Variants in RAB3IP observed in about 807,000 individuals in gnomAD.
RAB3IP encodes rab-3A-interacting protein.
Under a neutral mutation model 59.1 loss-of-function variants are expected in RAB3IP, and 36 were observed. That is an observed-to-expected ratio of 0.61 (90% CI 0.47 to 0.80). RAB3IP has a LOEUF of 0.80. Among genes scored for constraint, RAB3IP ranks in the 30% least tolerant of loss-of-function variants. The pLI is 0.00. For missense variants in RAB3IP, 511 were observed against 536.0 expected (o/e 0.95, Z 0.46); for synonymous variants, 207 against 191.2 (o/e 1.08, Z -0.68).
rs1421723149 is a variant in RAB3IP, at chr12:69,818,989, C to T, written c.*3543C>T. 1 of 152,060 alleles carries T rather than the reference C, an allele frequency of 6.6e-6. No individual in the cohort carries two copies. Among genetic ancestry groups the T allele is most frequent in the East Asian group, 1.9e-4 (1 of 5,194 alleles). 9.4% of individuals were successfully genotyped at this position (152,060 alleles called of 1,614,324 possible). A position where few individuals can be genotyped will look rare whatever the true frequency, so the allele number is the denominator to read the frequency against. ...ACTTGGGAGTCTGAGATAGGAAGAT[C>T]CTTGAGGCCAGTTCAAGGCTATAGT... On this transcript the variant is annotated 3_prime_UTR_variant, in exon 11 of 11. Transcript: ENST00000247833.
At chr12:69,770,406 CTAATA>C (rs1454406220) in intron 3 of RAB3IP, among the ~76,000 whole-genome samples, 2 of 152,092 alleles carry the variant, frequency 1.3e-5, no homozygotes, top group Non-Finnish European at 2.9e-5. Flanking sequence ...CTTATAATAC[CTAATA>C]TAATATAAAT....
At chr12:69,760,631 C>T (rs1555220410) in intron 3 of RAB3IP, among the ~76,000 whole-genome samples, 1 of 150,882 alleles carries the variant, frequency 6.6e-6, no homozygotes, top group Non-Finnish European at 1.5e-5. Flanking sequence ...TTTTGTATGT[C>T]TGTGTTCATT....
rs978809609 is a variant in RAB3IP, at chr12:69,820,796, T to G, written c.*5350T>G. ...ACGCTCGAACCCAGGAGGCAGAGGT[T>G]GTGGTGAGTTGACATCACGCCATTG... On this transcript the variant is annotated 3_prime_UTR_variant, in exon 11 of 11. Coordinates refer to ENST00000247833, the MANE Select transcript of RAB3IP (RefSeq NM_022456.5). 4 of 143,392 alleles carry G rather than the reference T, an allele frequency of 2.8e-5. No individual in the cohort carries two copies. The highest frequency in any genetic ancestry group is 7.7e-5 in the Admixed American group (1 of 13,044). The allele number at this position is 143,392 out of a possible 1,614,324, so 8.9% of individuals were successfully genotyped here. A position where few individuals can be genotyped will look rare whatever the true frequency, so the allele number is the denominator to read the frequency against.
At chr12:69,762,584 C>A (rs1248172829) in intron 3 of RAB3IP, among the ~76,000 whole-genome samples, 2 of 151,830 alleles carry the variant, frequency 1.3e-5, no homozygotes, top group East Asian at 3.9e-4. Context: ...GGTGAAACCG[C>A]TTCTCTACTA....
At chr12:69,768,655 A>G (rs1387097987) in intron 3 of RAB3IP, among the ~76,000 whole-genome samples, 1 of 152,164 alleles carries the variant, frequency 6.6e-6, no homozygotes, top group Non-Finnish European at 1.5e-5. Context: ...CATGTTGCCA[A>G]ACTGGCCCTG....
At chr12:69,750,356 G>T (rs780748669) in intron 1 of RAB3IP, among the ~76,000 whole-genome samples, 2 of 152,078 alleles carry the variant, frequency 1.3e-5, no homozygotes, top group Non-Finnish European at 2.9e-5. Flanking sequence ...ATACTTCAGT[G>T]TGTATCTTTT....
intron 6 of RAB3IP, among the ~76,000 whole-genome samples, chr12:69,797,459 G>A (rs1399486869): frequency 5.6e-5 from 4 of 71,598 alleles, no homozygotes; most frequent in Admixed American, 4.8e-4. Context: ...TGGGGTTTAT[G>A]TCCTTTTTCT....
At chr12:69,794,704 A>G (rs1372789194) in intron 5 of RAB3IP, among the ~76,000 whole-genome samples, 190 bp downstream of exon 5, 1 of 152,214 alleles carries the variant, frequency 6.6e-6, no homozygotes, top group Non-Finnish European at 1.5e-5. Flanking sequence ...GTCCATTTAT[A>G]TGAGAACCAA....
chr12:69,750,160 A>G (rs181722344), intron 1 of RAB3IP, among the ~76,000 whole-genome samples: 246 of 152,300 alleles, frequency 1.6e-3, no homozygotes, highest in African/African-American at 5.1e-3. Flanking sequence ...TTCCTCAACC[A>G]TAGATGCGCT....
At chr12:69,797,792 C>A (rs1430620814) in intron 6 of RAB3IP, among the ~76,000 whole-genome samples, 1 of 151,368 alleles carries the variant, frequency 6.6e-6, no homozygotes, top group South Asian at 2.1e-4. Flanking sequence ...TTTGTTCTTG[C>A]GATAGTTTAC....
intron 6 of RAB3IP, among the ~76,000 whole-genome samples, chr12:69,797,386 A>G (rs1156302004): frequency 1.3e-5 from 2 of 151,978 alleles, no homozygotes; most frequent in East Asian, 3.9e-4. Flanking sequence ...TCAGCTCTTA[A>G]TAAATGGTTT....
intron 8 of RAB3IP, among the ~76,000 whole-genome samples, chr12:69,808,256 C>T (rs550033159): frequency 3.4e-4 from 51 of 152,222 alleles, no homozygotes; most frequent in African/African-American, 9.2e-4. Flanking sequence ...GTCTGAGAGA[C>T]AGTTTGTTAT....
At chr12:69,769,439 C>T (rs1872751792) in intron 3 of RAB3IP, among the ~76,000 whole-genome samples, 1 of 152,216 alleles carries the variant, frequency 6.6e-6, no homozygotes, top group South Asian at 2.1e-4. Flanking sequence ...GGGAAGTTCT[C>T]TGCCTCTCTC....
intron 3 of RAB3IP, among the ~76,000 whole-genome samples, chr12:69,782,637 A>AT (rs1874929944): frequency 6.6e-6 from 1 of 152,106 alleles, no homozygotes; most frequent in Non-Finnish European, 1.5e-5. Flanking sequence ...TGTTCTTTGT[A>AT]TATTTTGGAT....
chr12:69,813,008 G>A lies in RAB3IP; in HGVS notation c.1275G>A (p.Gln425=). 6.2e-7 allele frequency: 1 copy of A among 1,612,826 alleles called. No individual in the cohort carries two copies. The highest frequency in any genetic ancestry group is 1.3e-5 in the African/African-American group (1 of 74,990). Residue 425 remains glutamine, a synonymous_variant, in exon 10 of 11, where the codon CAG becomes CAA. Transcript: ENST00000247833. The stretch of plus-strand genomic sequence containing the variant: ...TTTTTACATACATTCGATACATTCA[G>A]CAGGGACTCGTGAAACAGCAGGATG... ...CNFFTYIRYI[Q]QGLVKQQDVD...
chr12:69,783,693 GAT>G (rs1875152606), intron 3 of RAB3IP, among the ~76,000 whole-genome samples: 1 of 152,224 alleles, frequency 6.6e-6, no homozygotes, highest in Non-Finnish European at 1.5e-5. Context: ...TTTCTCCAAA[GAT>G]AGAGTCCTGT....
At chr12:69,790,548 G>A (rs1210367997) in intron 4 of RAB3IP, among the ~76,000 whole-genome samples, 1 of 151,950 alleles carries the variant, frequency 6.6e-6, no homozygotes, top group Admixed American at 6.6e-5. Flanking sequence ...GAAGTAGGAA[G>A]TTCATATGGA....
rs1035832967 is a variant in RAB3IP, at chr12:69,816,142, G to A, written c.*696G>A. 3.9e-5 allele frequency: 6 copies of A among 152,150 alleles called. No individual in the cohort carries two copies. Among genetic ancestry groups the A allele is most frequent in the Non-Finnish European group, 7.3e-5 (5 of 68,032 alleles). 9.4% of individuals were successfully genotyped at this position (152,150 alleles called of 1,614,324 possible). A position where few individuals can be genotyped will look rare whatever the true frequency, so the allele number is the denominator to read the frequency against. ...GTTGACCACTATATTGTCATTGGAG[G>A]GACATAGATGTAAATGAGTTTGACG... On this transcript the variant is annotated 3_prime_UTR_variant, in exon 11 of 11. Coordinates refer to ENST00000247833, the MANE Select transcript of RAB3IP (RefSeq NM_022456.5).
rs1261108127 is a variant in RAB3IP at position 69,818,299 on chromosome 12, A to G, written c.*2853A>G. 1 of 152,196 alleles carries G rather than the reference A, an allele frequency of 6.6e-6. No individual in the cohort carries two copies. Among genetic ancestry groups the G allele is most frequent in the Non-Finnish European group, 1.5e-5 (1 of 68,064 alleles). The allele number at this position is 152,196 out of a possible 1,614,324, so 9.4% of individuals were successfully genotyped here. On this transcript the variant is annotated 3_prime_UTR_variant, in exon 11 of 11. Coordinates refer to ENST00000247833, the MANE Select transcript of RAB3IP (RefSeq NM_022456.5). Reference sequence around the variant, plus strand: ...CATCTGCACAAAAAGATTTTTTTGAATTAGCTGGGCATGGTGGTGCATGCC... The same window carrying G: ...CATCTGCACAAAAAGATTTTTTTGAGTTAGCTGGGCATGGTGGTGCATGCC...
Sources: allele counts gnomAD v4.1 joint callset (sites outside exome capture counted in the v4.1 genomes callset), GRCh38; gene constraint gnomAD v4.1.1; transcripts MANE v1.5; gene names NCBI Gene and HGNC (gene_info 2026-07-23, HGNC 2026-07-21).